Variants in RELL1 observed in about 807,000 individuals in gnomAD.
RELL1 encodes the protein RELT-like protein 1.
In RELL1, 10 loss-of-function variants were observed where a neutral mutation model predicts 23.0. The ratio of observed to expected loss-of-function variants is 0.43; its 90% CI spans 0.27 to 0.74. The LOEUF is 0.74. Among genes scored for constraint, RELL1 ranks in the 30% least tolerant of loss-of-function variants. The pLI, the probability that RELL1 is intolerant of heterozygous loss-of-function variation, is 0.19. For synonymous variants in RELL1, 146 were observed against 146.8 expected, an observed-to-expected ratio of 0.99 and a Z score of 0.04; for missense variants, 315 against 364.4, an observed-to-expected ratio of 0.86 and a Z score of 1.10.
chr4:37,659,516 A>AT (rs1415582459), intron 1 of RELL1, among the ~76,000 whole-genome samples: 3 of 152,104 alleles, frequency 2.0e-5, no homozygotes, highest in African/African-American at 2.4e-5. Flanking sequence ...GGTTGCTAAC[A>AT]TTTTTTGGTC....
At chr4:37,672,055 CAT>C (rs1721853288) in intron 1 of RELL1, among the ~76,000 whole-genome samples, 1 of 152,150 alleles carries the variant, frequency 6.6e-6, no homozygotes, top group African/African-American at 2.4e-5. Flanking sequence ...CCAACACATC[CAT>C]ATGTCACCAA....
At chr4:37,669,398 GGGA>G (rs1341139992) in intron 1 of RELL1, among the ~76,000 whole-genome samples, 8 of 148,966 alleles carry the variant, frequency 5.4e-5, no homozygotes, top group African/African-American at 1.5e-4. Context: ...CGCCCCGTCC[GGGA>G]GGGAGGTGGG....
chr4:37,650,703 T>C (rs554534982), intron 1 of RELL1, among the ~76,000 whole-genome samples: 1 of 151,858 alleles, frequency 6.6e-6, no homozygotes, highest in East Asian at 1.9e-4. Flanking sequence ...CAGTTTGATA[T>C]CTTAGCCTGC....
intron 1 of RELL1, among the ~76,000 whole-genome samples, chr4:37,673,969 C>T (rs1425617673): frequency 1.3e-5 from 2 of 152,220 alleles, no homozygotes; most frequent in African/African-American, 4.8e-5. Context: ...CATGCCTTTG[C>T]ACACAGGCTG....
chr4:37,593,729 C>T (rs1718726549), intron 6 of RELL1, among the ~76,000 whole-genome samples: 1 of 152,128 alleles, frequency 6.6e-6, no homozygotes. Context: ...CAGTCTCTGC[C>T]ACAGGAGGTC....
In RELL1 at chr4:37,611,025, A is replaced by G. The variant is rs980480104; in HGVS notation, c.*2321T>C. Among the ~76,000 whole-genome samples, 2 of 152,224 alleles carry G rather than the reference A, an allele frequency of 1.3e-5. No homozygotes were observed. The highest frequency in any genetic ancestry group is 1.3e-4 in the Admixed American group (2 of 15,286). On this transcript the variant is annotated 3_prime_UTR_variant, in exon 7 of 7. Coordinates refer to ENST00000454158, the MANE Select transcript of RELL1 (RefSeq NM_001085400.2). ...CAAAAACCGCTCAAGTATTTATTAG[A>G]AAATATTTAAAACATACTCTTGGTA...
Position 37,634,941 on chromosome 4 carries a change from G to A in RELL1, c.626C>T (p.Ser209Phe), listed in dbSNP as rs765950795. Reference sequence around the variant, plus strand: ...TTGGCGCCGTGGTCTGCTCTCTCTGGACTTGTTAGTGGGCTTTATAAAGTG... The same window carrying A: ...TTGGCGCCGTGGTCTGCTCTCTCTGAACTTGTTAGTGGGCTTTATAAAGTG... ...RWHFIKPTNK[S>F]RESRPRRQGE... Residue 209 changes from serine (S) to phenylalanine (F), a missense_variant, in exon 5 of 7, where the codon TCC becomes TTC. Ser to Phe is a radical substitution (Grantham distance 155). Transcript: ENST00000454158. The A allele has an allele frequency of 1.2e-6, 2 of 1,614,224 alleles. No individual in the cohort carries two copies. Among genetic ancestry groups the A allele is most frequent in the Non-Finnish European group, 8.5e-7 (1 of 1,180,042 alleles).
At chr4:37,675,746 T>C (rs1231093856) in intron 1 of RELL1, among the ~76,000 whole-genome samples, 2 of 152,174 alleles carry the variant, frequency 1.3e-5, no homozygotes, top group African/African-American at 4.8e-5. Flanking sequence ...GAGGACAGGA[T>C]ACATACAGCC....
rs1719417198 is a variant in RELL1 at position 37,612,258 on chromosome 4, G to A, written c.*1088C>T. On this transcript the variant is annotated 3_prime_UTR_variant, in exon 7 of 7. Coordinates refer to ENST00000454158, the MANE Select transcript of RELL1 (RefSeq NM_001085400.2). ...GGGTTGTCCAAACAAATTTGTGTGT[G>A]TGTGACTTTCAACCATTTTCTCCTT... Among the ~76,000 whole-genome samples the A allele has an allele frequency of 6.8e-6, 1 of 147,412 alleles. No homozygotes were observed. The highest frequency in any genetic ancestry group is 2.5e-5 in the African/African-American group (1 of 39,962).
At chr4:37,599,343 G>A (rs1463500403) in intron 6 of RELL1, among the ~76,000 whole-genome samples, 2 of 152,124 alleles carry the variant, frequency 1.3e-5, no homozygotes, top group Non-Finnish European at 2.9e-5. Flanking sequence ...TTTGGGGCTA[G>A]GCATTTTAAA....
At chr4:37,596,898 G>A (rs781446983) in intron 6 of RELL1, among the ~76,000 whole-genome samples, 56 of 150,842 alleles carry the variant, frequency 3.7e-4, no homozygotes, top group African/African-American at 1.2e-3. Context: ...ACAGGCACGC[G>A]CCACCACGCC....
At chr4:37,648,502 G>T (rs958586678) in intron 2 of RELL1, among the ~76,000 whole-genome samples, 1 of 152,232 alleles carries the variant, frequency 6.6e-6, no homozygotes, top group Non-Finnish European at 1.5e-5. Flanking sequence ...AATAGGGGGA[G>T]TCACCTACTA....
chr4:37,668,522 A>T (rs868054470), intron 1 of RELL1, among the ~76,000 whole-genome samples: 2 of 151,744 alleles, frequency 1.3e-5, no homozygotes, highest in Admixed American at 6.6e-5. Flanking sequence ...TCAGTGCTCA[A>T]TGGTGCCCAG....
intron 1 of RELL1, among the ~76,000 whole-genome samples, chr4:37,668,100 G>A (rs1232965784): frequency 6.6e-6 from 1 of 151,576 alleles, no homozygotes; most frequent in Non-Finnish European, 1.5e-5. Context: ...TTAGTGTTTT[G>A]TGTCTTAGCA....
chr4:37,620,828 T>A (rs1719737424), intron 6 of RELL1, among the ~76,000 whole-genome samples: 1 of 152,224 alleles, frequency 6.6e-6, no homozygotes, highest in Non-Finnish European at 1.5e-5. Context: ...TTTTATTGGC[T>A]ACATGTTTAA....
chr4:37,661,424 C>T (rs139206065), intron 1 of RELL1, among the ~76,000 whole-genome samples: 1,659 of 152,216 alleles, frequency 0.011, 76 homozygotes, highest in Admixed American at 0.077. Flanking sequence ...GGATTACAGG[C>T]GCACGCTGCC....
chr4:37,657,920 C>T (rs547908656), intron 1 of RELL1, among the ~76,000 whole-genome samples: 14 of 151,968 alleles, frequency 9.2e-5, no homozygotes, highest in Non-Finnish European at 1.6e-4. Context: ...GAGACCCTGT[C>T]ACACACACAC....
At chr4:37,587,769 G>C (rs897030895), downstream of RELL1, among the ~76,000 whole-genome samples, 17 of 152,112 alleles carry the variant, frequency 1.1e-4, no homozygotes, top group African/African-American at 4.1e-4. Context: ...AGGAGTTTGA[G>C]ACCAGCATGG....
At chr4:37,594,418 G>T (rs1437549333) in intron 6 of RELL1, among the ~76,000 whole-genome samples, 1 of 152,132 alleles carries the variant, frequency 6.6e-6, no homozygotes, top group Non-Finnish European at 1.5e-5. Context: ...GTGATTAGGG[G>T]CAGACTTCAC....
Sources: gnomAD v4.1 joint callset for allele counts (sites outside exome capture counted in the v4.1 genomes callset) on GRCh38, gnomAD v4.1.1 for gene constraint, MANE v1.5 for transcripts, NCBI Gene and HGNC (gene_info 2026-07-23, HGNC 2026-07-21) for gene names.